The following ITGAM variants were observed in gnomAD, a reference collection of about 807,000 sequenced individuals.
ITGAM encodes the protein integrin subunit alpha M.
Under a neutral mutation model 137.5 loss-of-function variants are expected in ITGAM, and 79 were observed. The observed-to-expected ratio is 0.57, with a 90% CI of 0.48 to 0.69. The LOEUF (loss-of-function observed/expected upper bound fraction) is 0.69, where lower values mean the gene tolerates loss of function less well. ITGAM is among the 30% of genes least tolerant of loss of function. The pLI, the probability that ITGAM is intolerant of heterozygous loss-of-function variation, is 0.00. For missense variants in ITGAM, 1,343 were observed against 1,483.5 expected, an observed-to-expected ratio of 0.91 and a Z score of 1.56; for synonymous variants, 583 against 592.3, an observed-to-expected ratio of 0.98 and a Z score of 0.23.
intron 19 of ITGAM, 53 bp downstream of exon 19, chr16:31,325,084 C>G: frequency 6.5e-7 from 1 of 1,535,330 alleles, no homozygotes; most frequent in Non-Finnish European, 8.9e-7. Flanking sequence ...TACCATGACC[C>G]GCTCTTTTCT....
At chr16:31,286,264 G>T (rs2080028813) in intron 12 of ITGAM, among the ~76,000 whole-genome samples, 1 of 152,076 alleles carries the variant, frequency 6.6e-6, no homozygotes, top group Non-Finnish European at 1.5e-5. Context: ...AGACACCTAG[G>T]TTGATTCCAT....
rs1143683 is a variant in ITGAM, at chr16:31,325,567, C to T, written c.2573C>T (p.Ala858Val). The change falls in exon 21 of 30, where the codon GCC becomes GTC. Residue 858 changes from alanine to valine, a missense_variant. Coordinates refer to ENST00000544665, the MANE Select transcript of ITGAM (RefSeq NM_000632.4). ...ESASSTEVSG[A>V]LKSTSCSINH... ...GCCTCCTCCACCGAAGTGTCTGGGG[C>T]CTTGAAGAGCACCAGCTGCAGCATA... 0.15 allele frequency: 248,525 copies of T among 1,613,704 alleles called. 20,815 individuals carry two copies. The highest frequency in any genetic ancestry group is 0.25 in the Middle Eastern group (1,532 of 6,062).
chr16:31,329,703 C>T (rs1177865297), intron 24 of ITGAM, 95 bp from the exon 25 acceptor site: 3 of 1,000,012 alleles, frequency 3.0e-6, no homozygotes, highest in South Asian at 3.0e-5. Context: ...GCAGGACGCC[C>T]GGGCCTATGG....
intron 12 of ITGAM, among the ~76,000 whole-genome samples, chr16:31,296,272 T>A (rs1211907383): frequency 1.4e-4 from 3 of 21,818 alleles, no homozygotes; most frequent in Admixed American, 9.3e-4. Flanking sequence ...GCCCTGCTAA[T>A]TTTTTTTTTT....
intron 2 of ITGAM, among the ~76,000 whole-genome samples, chr16:31,262,594 G>A (rs1268818613): frequency 1.3e-5 from 2 of 151,756 alleles, no homozygotes; most frequent in Admixed American, 6.6e-5. Context: ...TTGTATAGAC[G>A]AGGTCTCACT....
intron 12 of ITGAM, among the ~76,000 whole-genome samples, chr16:31,287,063 G>T (rs925183617): frequency 1.3e-5 from 2 of 152,140 alleles, no homozygotes; most frequent in African/African-American, 4.8e-5. Flanking sequence ...TTTGTATAAG[G>T]TGTAAGGAAG....
rs775015435 is a variant in ITGAM at position 31,297,858 on chromosome 16, C to T, written c.1611C>T (p.Asp537=). 1.3e-5 allele frequency: 21 copies of T among 1,613,926 alleles called. No homozygotes were observed. The highest frequency in any genetic ancestry group is 4.5e-5 in the East Asian group (2 of 44,860). ...LGDVNGDKLT[D]VAIGAPGEED... ...ACGTAAATGGGGACAAGCTGACGGA[C>T]GTGGCCATTGGGGCCCCAGGAGAGG... is the stretch of plus-strand genomic sequence containing the variant. The change falls in exon 14 of 30, where the codon GAC becomes GAT. Residue 537 remains aspartate, a synonymous_variant. Transcript: ENST00000544665.
At position 31,270,728 on chromosome 16, in the gene ITGAM, TATATATATATATATATG is replaced by T. The variant is rs1478627612; in HGVS notation, c.428-225_428-209del. ...ATATATATATATATATATATATATA[TATATATATATATATATG>T]TTTTTAACGTGTGTATACATATATA... On this transcript the variant is annotated intron_variant, in intron 5 of 29. Coordinates refer to ENST00000544665, the MANE Select transcript of ITGAM (RefSeq NM_000632.4). Among the ~76,000 whole-genome samples, 34 of 111,266 alleles carry T rather than the reference TATATATATATATATATG, an allele frequency of 3.1e-4. 1 individual carries two copies. Among genetic ancestry groups the T allele is most frequent in the African/African-American group, 1.3e-3 (34 of 25,986 alleles). 73.0% of individuals were successfully genotyped at this position (111,266 alleles called of 152,430 possible). A position where few individuals can be genotyped will look rare whatever the true frequency, so the allele number is the denominator to read the frequency against.
intron 12 of ITGAM, among the ~76,000 whole-genome samples, chr16:31,296,037 T>A (rs1040364381): frequency 2.3e-4 from 35 of 152,108 alleles, no homozygotes; most frequent in Non-Finnish European, 4.6e-4. Flanking sequence ...GATTTGCATA[T>A]GTGGAATCAT....
chr16:31,328,500 ATG>A (rs1379282705), intron 23 of ITGAM, among the ~76,000 whole-genome samples: 4 of 148,226 alleles, frequency 2.7e-5, no homozygotes, highest in African/African-American at 1.0e-4. Context: ...GTATTTGTGG[ATG>A]TGAGTGTGAT....
chr16:31,331,638 C>A lies in ITGAM; in HGVS notation c.3390C>A (p.Leu1130=). 6.2e-7 allele frequency: 1 copy of A among 1,607,626 alleles called. No homozygotes were observed. Among genetic ancestry groups the A allele is most frequent in the East Asian group, 2.2e-5 (1 of 44,654 alleles). Residue 1130 remains leucine, a splice_region_variant and synonymous_variant, in exon 30 of 30, where the codon CTC becomes CTA. Coordinates refer to ENST00000544665, the MANE Select transcript of ITGAM (RefSeq NM_000632.4). ...LALITAALYK[L]GFFKRQYKDM... is the part of the protein sequence containing the mutation. ...CACTGCCCTCCTCTGCCCCGCAGCT[C>A]GGCTTCTTCAAGCGGCAATACAAGG...
Position 31,326,923 on chromosome 16 carries a change from C to T in ITGAM, c.2696C>T (p.Ala899Val), listed in dbSNP as rs1298037441. The change falls in exon 22 of 30, where the codon GCC becomes GTC. Residue 899 changes from alanine to valine, a missense_variant. Transcript: ENST00000544665. ...CTTGGAAACAAACTGCTCCTCAAGG[C>T]CAATGTGACCAGGTGCTCTCTGCTA... ...ASLGNKLLLK[A>V]NVTSENNMPR... 1 of 1,611,820 alleles carries T rather than the reference C, an allele frequency of 6.2e-7. No homozygotes were observed. Among genetic ancestry groups the T allele is most frequent in the African/African-American group, 1.3e-5 (1 of 74,880 alleles).
chr16:31,266,661 G>C (rs2079771925), intron 5 of ITGAM, among the ~76,000 whole-genome samples: 1 of 151,972 alleles, frequency 6.6e-6, no homozygotes, highest in South Asian at 2.1e-4. Context: ...AGCAAGTTAT[G>C]ATTGCACCAC....
intron 12 of ITGAM, among the ~76,000 whole-genome samples, chr16:31,284,291 C>T (rs1485221421): frequency 1.3e-5 from 2 of 152,208 alleles, no homozygotes; most frequent in Non-Finnish European, 2.9e-5. Context: ...GAAGTTTCTG[C>T]TGCCTTTTGT....
intron 12 of ITGAM, among the ~76,000 whole-genome samples, chr16:31,283,774 G>T (rs1255720627): frequency 6.6e-6 from 1 of 152,242 alleles, no homozygotes; most frequent in Non-Finnish European, 1.5e-5. Context: ...CTGGTGAGGA[G>T]CTGTGCTCCT....
intron 2 of ITGAM, among the ~76,000 whole-genome samples, chr16:31,264,959 C>T (rs1386342992): frequency 2.6e-5 from 4 of 152,138 alleles, no homozygotes; most frequent in Non-Finnish European, 5.9e-5. Context: ...CCTCTGCCTC[C>T]TGGGTTCAAG....
chr16:31,324,367 C>A lies in ITGAM; in HGVS notation c.2003-32C>A. ...CATCTGCCGGGTTCCGAGGCTCAGG[C>A]CCCTCACTGCTGTGCCACCCTGTCC... On this transcript the variant is annotated intron_variant, in intron 16 of 29. Coordinates refer to ENST00000544665, the MANE Select transcript of ITGAM (RefSeq NM_000632.4). This position sits in a 1 kb window ranked among gnomAD's most constrained non-coding sequence, Gnocchi z 4.5. The A allele has an allele frequency of 2.3e-5, 35 of 1,542,608 alleles. No individual in the cohort carries two copies. The highest frequency in any genetic ancestry group is 3.1e-5 in the Non-Finnish European group (35 of 1,139,270).
chr16:31,332,596 C>T lies in ITGAM; in HGVS notation c.*889C>T, dbSNP rs41492444. The T allele has an allele frequency of 4.6e-5, 7 of 152,316 alleles. No individual in the cohort carries two copies. The highest frequency in any genetic ancestry group is 7.3e-5 in the Non-Finnish European group (5 of 68,032). The allele number at this position is 152,316 out of a possible 1,614,324, so 9.4% of individuals were successfully genotyped here. A position where few individuals can be genotyped will look rare whatever the true frequency, so the allele number is the denominator to read the frequency against. On this transcript the variant is annotated 3_prime_UTR_variant, in exon 30 of 30. Transcript: ENST00000544665. ...TCCAGGCGATGTGCAAGTGTATGCA[C>T]GTGTGCACACACACCACACATACAC...
Position 31,266,082 on chromosome 16 carries a change from G to C in ITGAM, c.362G>C (p.Gly121Ala), listed in dbSNP as rs1176457272. 6.2e-7 allele frequency: 1 copy of C among 1,613,958 alleles called. No individual in the cohort carries two copies. Among genetic ancestry groups the C allele is most frequent in the Admixed American group, 1.7e-5 (1 of 60,012 alleles). The change falls in exon 5 of 30, where the codon GGG becomes GCG. Residue 121 changes from glycine (G) to alanine (A), a missense_variant. Coordinates refer to ENST00000544665, the MANE Select transcript of ITGAM (RefSeq NM_000632.4). ...TGCAGTGAGAACACGTATGTGAAAGGGCTCTGCTTCCTGTTTGGATCCAAC... is the reference window on the plus strand; with the variant it reads ...TGCAGTGAGAACACGTATGTGAAAGCGCTCTGCTTCCTGTTTGGATCCAAC... Reference protein sequence around the residue: ...QTCSENTYVKGLCFLFGSNLR... With the variant: ...QTCSENTYVKALCFLFGSNLR...
Sources: gnomAD v4.1 joint callset for allele counts (sites outside exome capture counted in the v4.1 genomes callset) on GRCh38, gnomAD v4.1.1 for gene constraint, Gnocchi (gnomAD v3.1) non-coding constraint, MANE v1.5 for transcripts, NCBI Gene and HGNC (gene_info 2026-07-23, HGNC 2026-07-21) for gene names.